The following MTERF2 variants were observed in gnomAD, a reference collection of about 807,000 sequenced individuals.
MTERF2 encodes mitochondrial transcription termination factor 2.
In MTERF2, 23 loss-of-function variants were observed where a neutral mutation model predicts 29.2. The observed-to-expected ratio is 0.79, with a 90% CI of 0.57 to 1.12. MTERF2 has a LOEUF of 1.12. Among genes scored for constraint, MTERF2 ranks in the 50% most tolerant of loss-of-function variants. The pLI is 0.00. For missense variants in MTERF2, 440 were observed against 429.4 expected, an observed-to-expected ratio of 1.02 and a Z score of -0.22; for synonymous variants, 157 against 159.5, an observed-to-expected ratio of 0.98 and a Z score of 0.12.
chr12:106,980,023 G>A (rs1184077800), intron 2 of MTERF2, among the ~76,000 whole-genome samples: 1 of 152,026 alleles, frequency 6.6e-6, no homozygotes, highest in Non-Finnish European at 1.5e-5. Context: ...TCAGCCTCCC[G>A]AGTAGCTGGG....
chr12:106,982,718 T>G (rs1167672285), intron 2 of MTERF2, among the ~76,000 whole-genome samples: 1 of 152,196 alleles, frequency 6.6e-6, no homozygotes, highest in Non-Finnish European at 1.5e-5. Context: ...TGTCCACATC[T>G]CATATGCTTT....
chr12:106,979,925 G>GTC (rs950482024), intron 2 of MTERF2, among the ~76,000 whole-genome samples: 4 of 152,028 alleles, frequency 2.6e-5, no homozygotes, highest in Admixed American at 2.0e-4. Context: ...TTGAGACAGA[G>GTC]TCTCTCTCTG....
chr12:106,985,726 T>A (rs1055960018), intron 1 of MTERF2: 4 of 152,284 alleles, frequency 2.6e-5, no homozygotes, highest in African/African-American at 9.6e-5. Flanking sequence ...TGTGTGCTCT[T>A]CCACAGCACC....
At chr12:106,979,125 G>T (rs1431174919) in intron 2 of MTERF2, among the ~76,000 whole-genome samples, 1 of 152,110 alleles carries the variant, frequency 6.6e-6, no homozygotes, top group Non-Finnish European at 1.5e-5. Flanking sequence ...TTTTACAGAA[G>T]AGCAGCAAGA....
chr12:106,984,072 T>TC (rs1952082572), intron 2 of MTERF2, among the ~76,000 whole-genome samples: 1 of 152,124 alleles, frequency 6.6e-6, no homozygotes, highest in African/African-American at 2.4e-5. Flanking sequence ...TATCACTAGC[T>TC]CCCCTTCACA....
Position 106,977,959 on chromosome 12 carries a change from T to A in MTERF2, c.756A>T (p.Lys252Asn). 6.2e-6 allele frequency: 10 copies of A among 1,614,152 alleles called. No individual in the cohort carries two copies. The highest frequency in any genetic ancestry group is 8.5e-6 in the Non-Finnish European group (10 of 1,180,020). Reference sequence around the variant, plus strand: ...TTGGGCAAAGTTGAAAAAGAAATCCTTTGAGTTTGGATAGAAGCTGGAGAA... The same window carrying A: ...TTGGGCAAAGTTGAAAAAGAAATCCATTGAGTTTGGATAGAAGCTGGAGAA... Reference protein sequence around the residue: ...FEILQLLSKLKGFLFQLCPRS... With the variant: ...FEILQLLSKLNGFLFQLCPRS... The change falls in exon 3 of 3, where the codon AAA becomes AAT. Residue 252 changes from lysine (K) to asparagine (N), a missense_variant. Coordinates refer to ENST00000240050, the MANE Select transcript of MTERF2 (RefSeq NM_001033050.3).
At chr12:106,981,765 C>T (rs1308681234) in intron 2 of MTERF2, among the ~76,000 whole-genome samples, 1 of 152,148 alleles carries the variant, frequency 6.6e-6, no homozygotes, top group East Asian at 1.9e-4. Context: ...AAGCAGTCCA[C>T]CCGCCTCGGC....
In MTERF2 at chr12:106,977,944, T is replaced by C. The variant is rs1453433101; in HGVS notation, c.771A>G (p.Gln257=). ...TATTCTGTATACTTCTTGGGCAAAGTTGAAAAAGAAATCCTTTGAGTTTGG... is the reference window on the plus strand; with the variant it reads ...TATTCTGTATACTTCTTGGGCAAAGCTGAAAAAGAAATCCTTTGAGTTTGG... ...LLSKLKGFLF[Q]LCPRSIQNSI... Residue 257 remains glutamine, a synonymous_variant, in exon 3 of 3, where the codon CAA becomes CAG. Coordinates refer to ENST00000240050, the MANE Select transcript of MTERF2 (RefSeq NM_001033050.3). The C allele has an allele frequency of 4.3e-6, 7 of 1,614,002 alleles. No individual in the cohort carries two copies. Among genetic ancestry groups the C allele is most frequent in the Non-Finnish European group, 5.1e-6 (6 of 1,180,026 alleles).
In MTERF2 at chr12:106,977,291, A is replaced by G. The variant is rs1951993601; in HGVS notation, c.*266T>C. 3 of 287,932 alleles carry G rather than the reference A, an allele frequency of 1.0e-5. No homozygotes were observed. The Admixed American group carries it at 1.4e-4, about 14-fold the overall frequency. 17.8% of individuals were successfully genotyped at this position (287,932 alleles called of 1,614,324 possible). ...CTTAGAAGTGATTCACTTATAAAGT[A>G]TCACACTGATATGCCATTTAATAGT... On this transcript the variant is annotated 3_prime_UTR_variant, in exon 3 of 3. Coordinates refer to ENST00000240050, the MANE Select transcript of MTERF2 (RefSeq NM_001033050.3).
rs754584919 is a variant in MTERF2 at position 106,977,506 on chromosome 12, CTAGT to C, written c.*47_*50del. 2.0e-6 allele frequency: 3 copies of C among 1,520,118 alleles called. No individual in the cohort carries two copies. Among genetic ancestry groups the C allele is most frequent in the East Asian group, 2.3e-5 (1 of 44,298 alleles). 94.2% of individuals were successfully genotyped at this position (1,520,118 alleles called of 1,614,324 possible). A position where few individuals can be genotyped will look rare whatever the true frequency, so the allele number is the denominator to read the frequency against. On this transcript the variant is annotated 3_prime_UTR_variant, in exon 3 of 3. Transcript: ENST00000240050. ...CAAACTGCCTGAATTTTTGTCTTTGCTAGTTAGTTTCACCCTGCACTGCTAGAAA... is the reference window on the plus strand; with the variant it reads ...CAAACTGCCTGAATTTTTGTCTTTGCTAGTTTCACCCTGCACTGCTAGAAA...
chr12:106,983,405 T>C (rs935965512), intron 2 of MTERF2, among the ~76,000 whole-genome samples: 1 of 152,242 alleles, frequency 6.6e-6, no homozygotes, highest in African/African-American at 2.4e-5. Context: ...TGGGGTCATA[T>C]AATATTTGTC....
At chr12:106,981,400 G>T (rs1952050068) in intron 2 of MTERF2, among the ~76,000 whole-genome samples, 1 of 151,998 alleles carries the variant, frequency 6.6e-6, no homozygotes, top group Non-Finnish European at 1.5e-5. Flanking sequence ...CACAATGCCT[G>T]GTACAGAGTA....
chr12:106,985,932 CTCTT>C (rs1207881502), intron 1 of MTERF2: 1 of 152,178 alleles, frequency 6.6e-6, no homozygotes, highest in African/African-American at 2.4e-5. Flanking sequence ...GTCACAGACT[CTCTT>C]TCCAGAAGAA....
chr12:106,985,020 G>T (rs376579849), intron 2 of MTERF2, 95 bp downstream of exon 2: 6 of 151,946 alleles, frequency 3.9e-5, no homozygotes, highest in African/African-American at 1.5e-4. Flanking sequence ...GACTTTTTTT[G>T]ATTCTTCTCC....
At chr12:106,981,315 T>A (rs1478920119) in intron 2 of MTERF2, among the ~76,000 whole-genome samples, 2 of 152,202 alleles carry the variant, frequency 1.3e-5, no homozygotes, top group African/African-American at 4.8e-5. Flanking sequence ...CCAGCAGCAA[T>A]CTGTGAGATG....
At chr12:106,980,687 G>T (rs1377008038) in intron 2 of MTERF2, 1 of 152,068 alleles carries the variant, frequency 6.6e-6, no homozygotes, top group Admixed American at 6.6e-5. Flanking sequence ...TTAGCCTGTT[G>T]GCAGCCTTCC....
Position 106,978,745 on chromosome 12 carries a change from C to G in MTERF2, c.-31G>C, listed in dbSNP as rs1203238287. 1 of 1,584,190 alleles carries G rather than the reference C, an allele frequency of 6.3e-7. No individual in the cohort carries two copies. Among genetic ancestry groups the G allele is most frequent in the Non-Finnish European group, 8.6e-7 (1 of 1,167,838 alleles). ...CAATCTACTAGCTAGTTTCCACCGT[C>G]CTGGGACTTAAATGGACTCATTCTA... On this transcript the variant is annotated 5_prime_UTR_variant, in exon 3 of 3. Coordinates refer to ENST00000240050, the MANE Select transcript of MTERF2 (RefSeq NM_001033050.3).
intron 2 of MTERF2, among the ~76,000 whole-genome samples, chr12:106,984,075 CCTTCACAG>C (rs1952082653): frequency 6.6e-6 from 1 of 152,182 alleles, no homozygotes; most frequent in Admixed American, 6.5e-5. Context: ...CACTAGCTCC[CCTTCACAG>C]CTTTCATTAT....
intron 2 of MTERF2, among the ~76,000 whole-genome samples, chr12:106,979,836 C>T (rs1020913121): frequency 2.0e-5 from 3 of 152,044 alleles, no homozygotes; most frequent in East Asian, 1.9e-4. Flanking sequence ...TTCTTAGGGT[C>T]GTGGCAGGAC....
Sources: gnomAD v4.1 joint callset for allele counts (sites outside exome capture counted in the v4.1 genomes callset) on GRCh38, gnomAD v4.1.1 for gene constraint, MANE v1.5 for transcripts, NCBI Gene and HGNC (gene_info 2026-07-23, HGNC 2026-07-21) for gene names.